Variants in GNAZ observed in about 807,000 individuals in gnomAD.
GNAZ encodes the protein guanine nucleotide-binding protein G(z) subunit alpha.
A neutral mutation model predicts 25.4 loss-of-function variants in GNAZ; 3 were observed. That is an observed-to-expected ratio of 0.12 (90% CI 0.05 to 0.30). The LOEUF (loss-of-function observed/expected upper bound fraction) is 0.30, where lower values mean the gene tolerates loss of function less well. Among genes scored for constraint, GNAZ ranks in the 10% least tolerant of loss-of-function variants. The pLI is 1.00. For synonymous variants in GNAZ, 211 were observed against 205.7 expected (o/e 1.03, Z -0.22); for missense variants, 241 against 501.8 (o/e 0.48, Z 4.97).
At chr22:23,119,105 A>G (rs1343337638) in intron 2 of GNAZ, among the ~76,000 whole-genome samples, 18 of 152,240 alleles carry the variant, frequency 1.2e-4, no homozygotes. Flanking sequence ...CTACAGCTTC[A>G]AATAGACGGC....
At chr22:23,104,443 G>A (rs1233154776) in intron 2 of GNAZ, among the ~76,000 whole-genome samples, 1 of 152,208 alleles carries the variant, frequency 6.6e-6, no homozygotes, top group Non-Finnish European at 1.5e-5. Flanking sequence ...TCAGGGCAGA[G>A]CTGCTTCCCA....
At chr22:23,099,014 C>A (rs902163315) in intron 2 of GNAZ, among the ~76,000 whole-genome samples, 5 of 152,284 alleles carry the variant, frequency 3.3e-5, no homozygotes, top group Non-Finnish European at 5.9e-5. Context: ...GCCGAATGAA[C>A]CTTGGGGCCC....
In GNAZ at chr22:23,071,215, T is replaced by G. The variant is rs1300559046; in HGVS notation, c.-450+645T>G. On this transcript the variant is annotated intron_variant, in intron 1 of 2. Coordinates refer to ENST00000615612, the MANE Select transcript of GNAZ (RefSeq NM_002073.4). This position sits in a 1 kb window ranked among gnomAD's most constrained non-coding sequence, Gnocchi z 4.1. ...TTTTTCCCTTAAAAGGCGGTGGGGG[T>G]GTTTGGGGGAGGGGAGTGAGGGCCT... 4.2e-5 allele frequency among the ~76,000 whole-genome samples: 6 copies of G among 144,184 alleles called. No individual in the cohort carries two copies. Among genetic ancestry groups the G allele is most frequent in the Admixed American group, 1.4e-4 (2 of 14,520 alleles). The allele number at this position is 144,184 out of a possible 152,430, so 94.6% of individuals were successfully genotyped here.
chr22:23,124,454 G>A lies in GNAZ; in HGVS notation c.*1023G>A, dbSNP rs1167608213. 4.3e-6 allele frequency: 2 copies of A among 465,450 alleles called. No individual in the cohort carries two copies. Among genetic ancestry groups the A allele is most frequent in the African/African-American group, 2.0e-5 (1 of 49,904 alleles). 28.8% of individuals were successfully genotyped at this position (465,450 alleles called of 1,614,324 possible). ...GCGCCAGCCTCGCGGGACACGTGTT[G>A]TACATAAGCCTCTGCAGTGTCCTCT... On this transcript the variant is annotated 3_prime_UTR_variant, in exon 3 of 3. Transcript: ENST00000615612.
At chr22:23,109,813 C>CA (rs2069595094) in intron 2 of GNAZ, among the ~76,000 whole-genome samples, 1 of 152,200 alleles carries the variant, frequency 6.6e-6, no homozygotes, top group South Asian at 2.1e-4. Context: ...AGAGAAGGCT[C>CA]AGAGCATAGG....
intron 1 of GNAZ, among the ~76,000 whole-genome samples, chr22:23,083,040 G>A (rs2068723894): frequency 6.6e-6 from 1 of 152,150 alleles, no homozygotes. Context: ...AGGCTCCAGG[G>A]AAGTTGGGAG....
intron 2 of GNAZ, among the ~76,000 whole-genome samples, chr22:23,098,331 C>G (rs2069184035): frequency 6.6e-6 from 1 of 152,190 alleles, no homozygotes; most frequent in South Asian, 2.1e-4. Flanking sequence ...TCTGACCTAG[C>G]CCGGCACCTG....
At chr22:23,111,579 C>T (rs1318207082) in intron 2 of GNAZ, among the ~76,000 whole-genome samples, 1 of 152,240 alleles carries the variant, frequency 6.6e-6, no homozygotes, top group Non-Finnish European at 1.5e-5. Flanking sequence ...CCCAAGGTCA[C>T]TTTAGTAGAA....
intron 1 of GNAZ, among the ~76,000 whole-genome samples, chr22:23,094,719 C>T (rs1293249905): frequency 6.6e-6 from 1 of 152,236 alleles, no homozygotes; most frequent in Non-Finnish European, 1.5e-5. Context: ...AGAGTGCCCT[C>T]AAGGGAAAGC....
At chr22:23,089,423 A>C (rs1281645313) in intron 1 of GNAZ, among the ~76,000 whole-genome samples, 1 of 152,062 alleles carries the variant, frequency 6.6e-6, no homozygotes, top group East Asian at 1.9e-4. Flanking sequence ...GGTGGGTGTG[A>C]CCATGGGTAT....
At chr22:23,103,332 C>T (rs918745894) in intron 2 of GNAZ, among the ~76,000 whole-genome samples, 42 of 152,326 alleles carry the variant, frequency 2.8e-4, no homozygotes, top group African/African-American at 9.9e-4. Flanking sequence ...ACCAGTGCAC[C>T]ACAGCCAGTG....
chr22:23,079,730 C>T (rs28694420), intron 1 of GNAZ, among the ~76,000 whole-genome samples: 2 of 152,092 alleles, frequency 1.3e-5, no homozygotes, highest in Non-Finnish European at 2.9e-5. Flanking sequence ...GGCTGGCTAG[C>T]GGGAGTGAGT....
chr22:23,122,768 G>A (rs940576998), intron 2 of GNAZ: 6 of 359,944 alleles, frequency 1.7e-5, no homozygotes, highest in East Asian at 4.7e-5. Flanking sequence ...GGTGCCCAGC[G>A]GTTTAGGAGG....
Position 23,123,092 on chromosome 22 carries a change from G to T in GNAZ, c.729G>T (p.Arg243=). The change falls in exon 3 of 3, where the codon CGG becomes CGT. Residue 243 remains arginine, a synonymous_variant. Transcript: ENST00000615612. ...CAGTACTTTCCTTTCCCCAGAGTCG[G>T]ATGGCAGAGAGCTTGCGCCTCTTTG... ...LKLYEDNQTS[R]MAESLRLFDS... The T allele has an allele frequency of 3.1e-6, 5 of 1,610,312 alleles. No individual in the cohort carries two copies. The highest frequency in any genetic ancestry group is 4.2e-6 in the Non-Finnish European group (5 of 1,176,540).
intron 2 of GNAZ, among the ~76,000 whole-genome samples, chr22:23,109,654 C>T (rs935884989): frequency 1.8e-4 from 27 of 152,160 alleles, no homozygotes; most frequent in African/African-American, 2.4e-4. Flanking sequence ...CAGAGCCCTC[C>T]GTGCAGGCAG....
intron 1 of GNAZ, among the ~76,000 whole-genome samples, chr22:23,084,396 T>C (rs1274712232): frequency 6.6e-6 from 1 of 152,140 alleles, no homozygotes; most frequent in Non-Finnish European, 1.5e-5. Context: ...CTGAGCACAT[T>C]TAAGGTAGGC....
intron 1 of GNAZ, among the ~76,000 whole-genome samples, chr22:23,076,798 G>A (rs1456829360): frequency 2.6e-5 from 4 of 152,344 alleles, no homozygotes; most frequent in African/African-American, 7.2e-5. Flanking sequence ...GGCCTTTCCA[G>A]GTGGCCCCTG....
intron 2 of GNAZ, among the ~76,000 whole-genome samples, chr22:23,107,595 G>A (rs1216169535): frequency 6.6e-6 from 1 of 152,118 alleles, no homozygotes; most frequent in Admixed American, 6.5e-5. Context: ...CAGCAGCTGG[G>A]GTGTAGGGAG....
At chr22:23,103,337 C>T (rs2069358436) in intron 2 of GNAZ, among the ~76,000 whole-genome samples, 1 of 152,194 alleles carries the variant, frequency 6.6e-6, no homozygotes. Flanking sequence ...TGCACCACAG[C>T]CAGTGACTCC....
Sources: allele counts gnomAD v4.1 joint callset (sites outside exome capture counted in the v4.1 genomes callset), GRCh38; gene constraint gnomAD v4.1.1; non-coding constraint Gnocchi (gnomAD v3.1); transcripts MANE v1.5; gene names NCBI Gene and HGNC (gene_info 2026-07-23, HGNC 2026-07-21).